C13orf42: variants seen among roughly 807,000 people sequenced by gnomAD.
The protein encoded by C13orf42 is uncharacterized protein C13orf42.
intron 2 of C13orf42, among the ~76,000 whole-genome samples, chr13:51,087,546 C>G (rs897171198): frequency 6.6e-6 from 1 of 152,108 alleles, no homozygotes; most frequent in African/African-American, 2.4e-5. Context: ...GAAAGTGTAC[C>G]CTTTAAATGA....
intron 1 of C13orf42, among the ~76,000 whole-genome samples, chr13:51,144,586 T>C (rs12585073): frequency 0.12 from 17,331 of 149,074 alleles, 1,265 homozygotes; most frequent in African/African-American, 0.15. Flanking sequence ...GTGCTTTCCT[T>C]TAAGGAATCA....
chr13:51,170,023 C>T (rs1382425380), intron 1 of C13orf42, among the ~76,000 whole-genome samples: 3 of 152,110 alleles, frequency 2.0e-5, no homozygotes, highest in Non-Finnish European at 4.4e-5. Context: ...TGTAAATGGC[C>T]GGTCCTTGCC....
chr13:51,116,237 A>G (rs1953490386), upstream of C13orf42, among the ~76,000 whole-genome samples: 1 of 152,220 alleles, frequency 6.6e-6, no homozygotes, highest in Non-Finnish European at 1.5e-5. Flanking sequence ...CCCATCAGGC[A>G]GAAGGGGCAC....
upstream of C13orf42, among the ~76,000 whole-genome samples, chr13:51,114,773 G>A (rs1953473151): frequency 2.0e-5 from 3 of 152,182 alleles, no homozygotes; most frequent in South Asian, 6.2e-4. Flanking sequence ...ATGCTGCAAT[G>A]TGCAGATATG....
intron 1 of C13orf42, among the ~76,000 whole-genome samples, chr13:51,154,168 T>G (rs560405366): frequency 2.0e-5 from 3 of 152,202 alleles, no homozygotes; most frequent in Non-Finnish European, 4.4e-5. Flanking sequence ...TGTCAGAATT[T>G]CCTTCCTTTT....
At chr13:51,166,256 G>T (rs1352231149) in intron 1 of C13orf42, among the ~76,000 whole-genome samples, 3 of 151,614 alleles carry the variant, frequency 2.0e-5, no homozygotes, top group Non-Finnish European at 4.4e-5. Context: ...GGAATACTAT[G>T]CAGCCATAAA....
chr13:51,085,708 C>G (rs1953115272), intron 2 of C13orf42, 149 bp from the exon 3 acceptor site: 1 of 396,066 alleles, frequency 2.5e-6, no homozygotes, highest in Non-Finnish European at 4.4e-6. Context: ...AGATTTGACT[C>G]TGCAGTTGTG....
At chr13:51,125,435 T>C (rs1428788217) in intron 1 of C13orf42, among the ~76,000 whole-genome samples, 1 of 152,254 alleles carries the variant, frequency 6.6e-6, no homozygotes, top group South Asian at 2.1e-4. Context: ...GTCGAGAATG[T>C]ATATTTTATC....
intron 1 of C13orf42, among the ~76,000 whole-genome samples, chr13:51,123,369 G>A (rs1300188668): frequency 6.6e-6 from 1 of 152,216 alleles, no homozygotes; most frequent in Non-Finnish European, 1.5e-5. Context: ...GATCATGGCA[G>A]GGGGAAGACA....
chr13:51,102,661 A>G (rs1248092372), intron 1 of C13orf42, among the ~76,000 whole-genome samples: 1 of 152,212 alleles, frequency 6.6e-6, no homozygotes, highest in Non-Finnish European at 1.5e-5. Flanking sequence ...TCAGGGATCC[A>G]TGAGAGAATT....
At chr13:51,143,779 G>T (rs1953714692) in intron 1 of C13orf42, among the ~76,000 whole-genome samples, 1 of 152,046 alleles carries the variant, frequency 6.6e-6, no homozygotes. Context: ...AAGGCATTAG[G>T]TTCGCTAAAG....
chr13:51,140,904 A>C (rs575888481), intron 1 of C13orf42, among the ~76,000 whole-genome samples: 5 of 152,272 alleles, frequency 3.3e-5, no homozygotes, highest in Non-Finnish European at 7.4e-5. Flanking sequence ...GTTAGCATTA[A>C]CAACCAGCTC....
chr13:51,153,628 T>TTTTTTTTTTTTTTG (rs1566140693), intron 1 of C13orf42, among the ~76,000 whole-genome samples: 2 of 141,262 alleles, frequency 1.4e-5, no homozygotes, highest in African/African-American at 5.5e-5. Context: ...TCTGTTTTTT[T>TTTTTTTTTTTTTTG]TCTTTTTTTT....
At chr13:51,131,896 C>T (rs370907001) in intron 1 of C13orf42, among the ~76,000 whole-genome samples, 1 of 152,028 alleles carries the variant, frequency 6.6e-6, no homozygotes, top group Non-Finnish European at 1.5e-5. Context: ...TTAGACTAGC[C>T]CTGCTTATTC....
At chr13:51,139,694 C>T (rs970105594) in intron 1 of C13orf42, among the ~76,000 whole-genome samples, 1 of 152,148 alleles carries the variant, frequency 6.6e-6, no homozygotes, top group Non-Finnish European at 1.5e-5. Flanking sequence ...CCACCAGCAC[C>T]ATGACAGTTT....
At chr13:51,139,755 A>G (rs1953683269) in intron 1 of C13orf42, among the ~76,000 whole-genome samples, 1 of 152,220 alleles carries the variant, frequency 6.6e-6, no homozygotes. Flanking sequence ...TGGTCTAAAA[A>G]GGGGAGGCAT....
chr13:51,134,842 T>G (rs1050187220), intron 1 of C13orf42, among the ~76,000 whole-genome samples: 1 of 152,222 alleles, frequency 6.6e-6, no homozygotes, highest in Non-Finnish European at 1.5e-5. Context: ...GTTACAAGTC[T>G]GATGGCCTCA....
intron 1 of C13orf42, among the ~76,000 whole-genome samples, chr13:51,107,360 T>A (rs1449925682): frequency 6.6e-6 from 1 of 152,180 alleles, no homozygotes; most frequent in Non-Finnish European, 1.5e-5. Context: ...AACATCAGAG[T>A]GCTAAGCAAG....
At chr13:51,100,394 T>C (rs966557948) in intron 1 of C13orf42, among the ~76,000 whole-genome samples, 4 of 151,984 alleles carry the variant, frequency 2.6e-5, no homozygotes, top group African/African-American at 4.8e-5. Flanking sequence ...TGGAAGACAA[T>C]GCGCTAATAT....
Sources: gnomAD v4.1 joint callset for allele counts (sites outside exome capture counted in the v4.1 genomes callset) on GRCh38, gnomAD v4.1.1 for gene constraint, MANE v1.5 for transcripts, NCBI Gene and HGNC (gene_info 2026-07-23, HGNC 2026-07-21) for gene names.